The following JRK variants were observed in gnomAD, a reference collection of about 807,000 sequenced individuals.
The protein encoded by JRK is jerky protein homolog.
For synonymous variants in JRK, 303 were observed against 218.1 expected (o/e 1.39, Z -3.43); for missense variants, 720 against 509.2 (o/e 1.41, Z -3.98).
downstream of JRK, among the ~76,000 whole-genome samples, chr8:142,653,502 TACCTG>T (rs1170149761): frequency 1.2e-4 from 18 of 151,538 alleles, no homozygotes; most frequent in African/African-American, 4.1e-4. Flanking sequence ...GCCTCCCAAG[TACCTG>T]AGACCACAGG....
intron 1 of JRK, among the ~76,000 whole-genome samples, chr8:142,669,572 G>A (rs1200736798): frequency 1.3e-5 from 2 of 152,178 alleles, no homozygotes; most frequent in African/African-American, 4.8e-5. Context: ...AAGGGCAAGC[G>A]GACCTCGTGA....
chr8:142,648,630 C>T, the JRK span, among the ~76,000 whole-genome samples: 1 of 152,238 alleles, frequency 6.6e-6, no homozygotes, highest in Non-Finnish European at 1.5e-5. Context: ...TGCCTGGATG[C>T]CCAGGCAGAA....
At chr8:142,653,366 A>T (rs78388263), downstream of JRK, among the ~76,000 whole-genome samples, 864 of 152,202 alleles carry the variant, frequency 5.7e-3, 4 homozygotes, top group Non-Finnish European at 0.01. Flanking sequence ...TGTAGAACCT[A>T]GGATTGGACT....
downstream of JRK, among the ~76,000 whole-genome samples, chr8:142,656,979 A>G (rs1213656277): frequency 6.6e-6 from 1 of 152,018 alleles, no homozygotes; most frequent in Non-Finnish European, 1.5e-5. Flanking sequence ...GTTCTCCAAC[A>G]TTATGTCTCT....
downstream of JRK, among the ~76,000 whole-genome samples, chr8:142,656,866 T>A (rs587617978): frequency 3.3e-5 from 5 of 152,104 alleles, no homozygotes; most frequent in Admixed American, 1.3e-4. Context: ...GACTCCCCAC[T>A]CTACAGGTGA....
Position 142,662,345 on chromosome 8 carries a change from T to A in JRK, c.*2007A>T, listed in dbSNP as rs1191352981. Reference sequence around the variant, plus strand: ...GCTCCACCCACCCAGGATGTCCTACTGTTTCAGAGCCCTCGGGACATGTTC... The same window carrying A: ...GCTCCACCCACCCAGGATGTCCTACAGTTTCAGAGCCCTCGGGACATGTTC... On this transcript the variant is annotated 3_prime_UTR_variant, in exon 2 of 2. Coordinates refer to ENST00000612905, the MANE Select transcript of JRK (RefSeq NM_003724.4). 14 of 985,476 alleles carry A rather than the reference T, an allele frequency of 1.4e-5. No individual in the cohort carries two copies. Among genetic ancestry groups the A allele is most frequent in the Non-Finnish European group, 1.7e-5 (14 of 830,068 alleles). 61.0% of individuals were successfully genotyped at this position (985,476 alleles called of 1,614,324 possible). A position where few individuals can be genotyped will look rare whatever the true frequency, so the allele number is the denominator to read the frequency against.
rs782376267 is a variant in JRK at position 142,658,823 on chromosome 8, C to T, written c.*5529G>A. 1 of 1,601,806 alleles carries T rather than the reference C, an allele frequency of 6.2e-7. No homozygotes were observed. Among genetic ancestry groups the T allele is most frequent in the Non-Finnish European group, 8.5e-7 (1 of 1,174,144 alleles). ...CTGGTGGGGACAGAGGGGTCTTACC[C>T]AGCACTGCCATGTGGCAGAAGTTCT... On this transcript the variant is annotated 3_prime_UTR_variant, in exon 2 of 2. Coordinates refer to ENST00000612905, the MANE Select transcript of JRK (RefSeq NM_003724.4).
At chr8:142,668,641 A>G (rs1847207861) in intron 1 of JRK, among the ~76,000 whole-genome samples, 1 of 151,806 alleles carries the variant, frequency 6.6e-6, no homozygotes, top group South Asian at 2.1e-4. Context: ...TCAACACCAG[A>G]CACAGCTCCT....
At chr8:142,652,404 A>G in the JRK span, among the ~76,000 whole-genome samples, 1 of 152,364 alleles carries the variant, frequency 6.6e-6, no homozygotes, top group African/African-American at 2.4e-5. Flanking sequence ...AACATATGTA[A>G]GATAAACATT....
the JRK span, among the ~76,000 whole-genome samples, chr8:142,646,844 C>A: frequency 6.6e-6 from 1 of 152,116 alleles, no homozygotes; most frequent in Non-Finnish European, 1.5e-5. Context: ...ATTAGTCATA[C>A]CAATAGAAGT....
chr8:142,669,593 C>T (rs1231561878), intron 1 of JRK, among the ~76,000 whole-genome samples: 7 of 152,174 alleles, frequency 4.6e-5, no homozygotes, highest in Non-Finnish European at 1.0e-4. Context: ...CCAAGCCTCT[C>T]TGAGAGTGGA....
chr8:142,663,580 G>A lies in JRK; in HGVS notation c.*772C>T. ...AGCCAAAATGCCAAAATACCACACA[G>A]GGTCCGTGTCCTCTATCCGGGTGAT... On this transcript the variant is annotated 3_prime_UTR_variant, in exon 2 of 2. Coordinates refer to ENST00000612905, the MANE Select transcript of JRK (RefSeq NM_003724.4). 1.0e-6 allele frequency: 1 copy of A among 985,472 alleles called. No individual in the cohort carries two copies. Among genetic ancestry groups the A allele is most frequent in the Non-Finnish European group, 1.2e-6 (1 of 829,940 alleles). The allele number at this position is 985,472 out of a possible 1,614,324, so 61.0% of individuals were successfully genotyped here.
Position 142,661,396 on chromosome 8 carries a change from G to T in JRK, c.*2956C>A. The T allele has an allele frequency of 1.0e-6, 1 of 985,472 alleles. No homozygotes were observed. Among genetic ancestry groups the T allele is most frequent in the Non-Finnish European group, 1.2e-6 (1 of 829,958 alleles). The allele number at this position is 985,472 out of a possible 1,614,324, so 61.0% of individuals were successfully genotyped here. On this transcript the variant is annotated 3_prime_UTR_variant, in exon 2 of 2. Coordinates refer to ENST00000612905, the MANE Select transcript of JRK (RefSeq NM_003724.4). Reference sequence around the variant, plus strand: ...CCAGAGTGGAGGCTGCCTGTCCCGAGTGAGGACACAGGAGCGCCCTCAGGC... The same window carrying T: ...CCAGAGTGGAGGCTGCCTGTCCCGATTGAGGACACAGGAGCGCCCTCAGGC...
At chr8:142,652,273 T>C in the JRK span, among the ~76,000 whole-genome samples, 2 of 152,284 alleles carry the variant, frequency 1.3e-5, no homozygotes, top group East Asian at 3.9e-4. Flanking sequence ...TTAGAAAGTT[T>C]ATTTTGCCAA....
Position 142,662,871 on chromosome 8 carries a change from C to G in JRK, c.*1481G>C. ...CTGAAAATAACATAGCAAGAAAAAC[C>G]TATTTAGGCCGAGTGCTGTGGCTCA... On this transcript the variant is annotated 3_prime_UTR_variant, in exon 2 of 2. Coordinates refer to ENST00000612905, the MANE Select transcript of JRK (RefSeq NM_003724.4). 3 of 985,226 alleles carry G rather than the reference C, an allele frequency of 3.0e-6. No homozygotes were observed. The highest frequency in any genetic ancestry group is 3.6e-6 in the Non-Finnish European group (3 of 829,782). 61.0% of individuals were successfully genotyped at this position (985,226 alleles called of 1,614,324 possible).
At chr8:142,669,203 T>TGTGC (rs1554636840) in intron 1 of JRK, among the ~76,000 whole-genome samples, 2 of 91,844 alleles carry the variant, frequency 2.2e-5, no homozygotes, top group Non-Finnish European at 4.4e-5. Context: ...TGTGTGTGCG[T>TGTGC]GTGTGTGTTG....
chr8:142,661,095 CATGGCTGAGCACGA>C lies in JRK; in HGVS notation c.*3243_*3256del. The C allele has an allele frequency of 1.0e-6, 1 of 985,474 alleles. No individual in the cohort carries two copies. The highest frequency in any genetic ancestry group is 1.1e-4 in the East Asian group (1 of 8,796). The allele number at this position is 985,474 out of a possible 1,614,324, so 61.0% of individuals were successfully genotyped here. A position where few individuals can be genotyped will look rare whatever the true frequency, so the allele number is the denominator to read the frequency against. On this transcript the variant is annotated 3_prime_UTR_variant, in exon 2 of 2. Coordinates refer to ENST00000612905, the MANE Select transcript of JRK (RefSeq NM_003724.4). Reference sequence around the variant, plus strand: ...AGGTGCTCTCCATCGCATGCTCAGCCATGGCTGAGCACGAATGAAGCATATGGAAGTCACGCACA... The same window carrying C: ...AGGTGCTCTCCATCGCATGCTCAGCCATGAAGCATATGGAAGTCACGCACA...
chr8:142,657,659 C>T lies in JRK; in HGVS notation c.*6693G>A, dbSNP rs1554633862. 6.6e-6 allele frequency: 1 copy of T among 152,222 alleles called. No individual in the cohort carries two copies. Among genetic ancestry groups the T allele is most frequent in the African/African-American group, 2.4e-5 (1 of 41,422 alleles). 9.4% of individuals were successfully genotyped at this position (152,222 alleles called of 1,614,324 possible). On this transcript the variant is annotated 3_prime_UTR_variant, in exon 2 of 2. Transcript: ENST00000612905. ...CAGGCTCTTTTTAACAAACAGTTCT[C>T]ACAGAAACTAATCAAGTGAGAACTC...
At position 142,661,389 on chromosome 8, in the gene JRK, G is replaced by C; in HGVS notation, c.*2963C>G. The C allele has an allele frequency of 1.0e-6, 1 of 985,498 alleles. No homozygotes were observed. The highest frequency in any genetic ancestry group is 1.2e-6 in the Non-Finnish European group (1 of 829,968). The allele number at this position is 985,498 out of a possible 1,614,324, so 61.0% of individuals were successfully genotyped here. ...GGAGCTCCCAGAGTGGAGGCTGCCTGTCCCGAGTGAGGACACAGGAGCGCC... is the reference window on the plus strand; with the variant it reads ...GGAGCTCCCAGAGTGGAGGCTGCCTCTCCCGAGTGAGGACACAGGAGCGCC... On this transcript the variant is annotated 3_prime_UTR_variant, in exon 2 of 2. Transcript: ENST00000612905.
Sources: gnomAD v4.1 joint callset for allele counts (sites outside exome capture counted in the v4.1 genomes callset) on GRCh38, gnomAD v4.1.1 for gene constraint, MANE v1.5 for transcripts, NCBI Gene and HGNC (gene_info 2026-07-23, HGNC 2026-07-21) for gene names.